The following MIDEAS variants were observed in gnomAD, a reference collection of about 807,000 sequenced individuals.
MIDEAS encodes the protein mitotic deacetylase-associated SANT domain protein.
MIDEAS carries 26 observed loss-of-function variants against 102.7 expected under a neutral mutation model. That is an observed-to-expected ratio of 0.25 (90% CI 0.19 to 0.35). MIDEAS has a LOEUF of 0.35. Ranked by LOEUF, MIDEAS falls within the 10% of genes least tolerant of loss-of-function variation. MIDEAS has a pLI of 1.00. For synonymous variants in MIDEAS, 585 were observed against 591.0 expected (o/e 0.99, Z 0.15); for missense variants, 1,231 against 1,435.6 (o/e 0.86, Z 2.30).
rs751110074 is a variant in MIDEAS at position 73,737,236 on chromosome 14, A to G, written c.1511T>C (p.Val504Ala). 8 of 1,613,760 alleles carry G rather than the reference A, an allele frequency of 5.0e-6. No homozygotes were observed. The highest frequency in any genetic ancestry group is 6.8e-6 in the Non-Finnish European group (8 of 1,179,882). Residue 504 changes from valine to alanine, a missense_variant, in exon 3 of 13, where the codon GTG (valine) becomes GCG (alanine). Val to Ala is a moderately conservative substitution (Grantham distance 64). This residue lies in a region of MIDEAS where 758 missense variants were observed against 856.0 expected (regional missense o/e 0.89). Coordinates refer to ENST00000423556, the MANE Select transcript of MIDEAS (RefSeq NM_001367710.1). The part of the protein sequence containing the change: ...SVLASTTKCG[V>A]EFSEPSLATK... ...GGCTAAGGAAGGCTCAGAAAACTCC[A>G]CCCCACACTTGGTAGTTGAGGCCAA... is the stretch of plus-strand genomic sequence containing the variant.
rs1179710072 is a variant in MIDEAS at position 73,738,802 on chromosome 14, C to T, written c.1207G>A (p.Glu403Lys). 2 of 1,576,426 alleles carry T rather than the reference C, an allele frequency of 1.3e-6. No individual in the cohort carries two copies. Among genetic ancestry groups the T allele is most frequent in the Non-Finnish European group, 1.7e-6 (2 of 1,160,072 alleles). ...GGCAGTAGCTGCGACTCCCTCAGCT[C>T]CAGCGGGAATCCCAGAGCTTCAGGA... is the stretch of plus-strand genomic sequence containing the variant. The part of the protein sequence containing the change: ...PHPEALGFPL[E>K]LRESQLLPDG... The change falls in exon 2 of 13, where the codon GAG becomes AAG. Residue 403 changes from glutamate to lysine, a missense_variant. Transcript: ENST00000423556.
chr14:73,784,598 G>A (rs549370383), intron 1 of MIDEAS, among the ~76,000 whole-genome samples: 3 of 152,262 alleles, frequency 2.0e-5, no homozygotes, highest in South Asian at 2.1e-4. Context: ...AGAAGGGAAC[G>A]ATCCCTTCTC....
chr14:73,729,257 T>C (rs970500168), intron 4 of MIDEAS: 3 of 174,810 alleles, frequency 1.7e-5, no homozygotes, highest in African/African-American at 7.1e-5. Flanking sequence ...GCCTAGGAAG[T>C]GGCTATTAGG....
chr14:73,735,912 T>G (rs10151820), intron 3 of MIDEAS, among the ~76,000 whole-genome samples: 15,674 of 152,176 alleles, frequency 0.1, 1,126 homozygotes, highest in African/African-American at 0.19. Flanking sequence ...ATCCTAACAC[T>G]TTGGGAGGCC....
intron 1 of MIDEAS, among the ~76,000 whole-genome samples, chr14:73,758,975 C>T (rs1347543879): frequency 3.3e-5 from 5 of 152,190 alleles, no homozygotes; most frequent in Non-Finnish European, 7.4e-5. Context: ...TATGCAGGGC[C>T]CGGCCGAATC....
rs1424581525 is a variant in MIDEAS at position 73,737,130 on chromosome 14, A to C, written c.1617T>G (p.Thr539=). The change falls in exon 3 of 13, where the codon ACT becomes ACG. Residue 539 remains threonine, a synonymous_variant. Coordinates refer to ENST00000423556, the MANE Select transcript of MIDEAS (RefSeq NM_001367710.1). ...VSVPVRTVDP[T]EAAQAGGLDE... ...CAAGACCTCCAGCCTGGGCTGCCTC[A>C]GTTGGGTCCACAGTTCGCACAGGCA... is the stretch of plus-strand genomic sequence containing the variant. 1.9e-6 allele frequency: 3 copies of C among 1,613,758 alleles called. No individual in the cohort carries two copies. In the East Asian group the frequency reaches 6.7e-5, roughly 36 times the overall value.
chr14:73,722,943 C>A (rs750756962), intron 9 of MIDEAS, 96 bp from the exon 10 acceptor site: 59 of 1,461,254 alleles, frequency 4.0e-5, no homozygotes, highest in Middle Eastern at 1.9e-4. Flanking sequence ...TTTCCCTTAA[C>A]TTCAAGCCAA....
At chr14:73,766,708 C>T (rs1357742350) in intron 1 of MIDEAS, among the ~76,000 whole-genome samples, 1 of 151,968 alleles carries the variant, frequency 6.6e-6, no homozygotes, top group Non-Finnish European at 1.5e-5. Context: ...TGTCGCCATG[C>T]CCAGCTAAAT....
Position 73,722,763 on chromosome 14 carries a change from T to A in MIDEAS, c.2659A>T (p.Thr887Ser). 6.2e-7 allele frequency: 1 copy of A among 1,614,192 alleles called. No homozygotes were observed. ...TCGCTCGTATCCACATCCCCAAAGG[T>A]TAGAGTCCCATTGCGGCCGATTTTC... ...QVKIGRNGTL[T>S]FGDVDTSDEK... is the part of the protein sequence containing the mutation. Residue 887 changes from threonine to serine, a missense_variant, in exon 10 of 13, where the codon ACC (threonine) becomes TCC (serine). Physicochemically the swap from Thr to Ser is moderately conservative, Grantham distance 58. Transcript: ENST00000423556.
At chr14:73,737,666 T>C (rs17093875) in intron 2 of MIDEAS, among the ~76,000 whole-genome samples, 2,378 of 152,082 alleles carry the variant, frequency 0.016, 73 homozygotes, top group African/African-American at 0.054. Context: ...AATTCTGATT[T>C]GATCTAGGAC....
intron 1 of MIDEAS, among the ~76,000 whole-genome samples, chr14:73,784,585 A>G (rs1240685038): frequency 2.0e-5 from 3 of 152,188 alleles, no homozygotes; most frequent in African/African-American, 7.2e-5. Context: ...AAGCTTTGGG[A>G]TCAGAAGGGA....
At chr14:73,765,528 C>T (rs577925865) in intron 1 of MIDEAS, among the ~76,000 whole-genome samples, 2 of 152,286 alleles carry the variant, frequency 1.3e-5, no homozygotes, top group East Asian at 3.9e-4. Flanking sequence ...ACACTGCCAT[C>T]AGAGTGATCA....
In MIDEAS at chr14:73,725,958, G is replaced by C; in HGVS notation, c.2485+75C>G. On this transcript the variant is annotated intron_variant, in intron 8 of 12. Coordinates refer to ENST00000423556, the MANE Select transcript of MIDEAS (RefSeq NM_001367710.1). This position sits in a 1 kb window ranked among gnomAD's most constrained non-coding sequence, Gnocchi z 4.1. ...CGCCCCCACCCAGGGCTGTGACTCA[G>C]CACTGAGCAGGGCCCCATGGATGCT... 1 of 1,302,184 alleles carries C rather than the reference G, an allele frequency of 7.7e-7. No individual in the cohort carries two copies. The highest frequency in any genetic ancestry group is 1.1e-6 in the Non-Finnish European group (1 of 920,024). The allele number at this position is 1,302,184 out of a possible 1,614,324, so 80.7% of individuals were successfully genotyped here. A position where few individuals can be genotyped will look rare whatever the true frequency, so the allele number is the denominator to read the frequency against.
rs2052939114 is a variant in MIDEAS, at chr14:73,718,916, T to C, written c.3227A>G (p.Glu1076Gly). 1 of 1,524,760 alleles carries C rather than the reference T, an allele frequency of 6.6e-7. No individual in the cohort carries two copies. The highest frequency in any genetic ancestry group is 8.8e-7 in the Non-Finnish European group (1 of 1,142,600). The allele number at this position is 1,524,760 out of a possible 1,614,324, so 94.5% of individuals were successfully genotyped here. Reference sequence around the variant, plus strand: ...GGCGGCGGCGGCGGCAGCAGCGGCCTCTTTCTCCTTCAGCCTCAGCGCTGC... The same window carrying C: ...GGCGGCGGCGGCGGCAGCAGCGGCCCCTTTCTCCTTCAGCCTCAGCGCTGC... ...KAAALRLKEK[E>G]AAAAAAAAHQ... Residue 1076 changes from glutamate (E) to glycine (G), a missense_variant, in exon 13 of 13, where the codon GAG (glutamate) becomes GGG (glycine). Physicochemically the swap from Glu to Gly is moderately conservative, Grantham distance 98. Coordinates refer to ENST00000423556, the MANE Select transcript of MIDEAS (RefSeq NM_001367710.1).
chr14:73,739,299 G>C lies in MIDEAS; in HGVS notation c.710C>G (p.Pro237Arg). Reference sequence around the variant, plus strand: ...TGGAGGGAAGGCAGCCACCGGGTTTGGGGGCGGTGGGCCCTGCCGGAAGAC... The same window carrying C: ...TGGAGGGAAGGCAGCCACCGGGTTTCGGGGCGGTGGGCCCTGCCGGAAGAC... ...RQVFRQGPPP[P>R]NPVAAFPPQK... Residue 237 changes from proline (P) to arginine (R), a missense_variant, in exon 2 of 13, where the codon CCA (proline) becomes CGA (arginine). Pro to Arg is a moderately radical substitution (Grantham distance 103). Transcript: ENST00000423556. 1 of 1,611,540 alleles carries C rather than the reference G, an allele frequency of 6.2e-7. No homozygotes were observed. Among genetic ancestry groups the C allele is most frequent in the South Asian group, 1.1e-5 (1 of 91,048 alleles).
intron 1 of MIDEAS, among the ~76,000 whole-genome samples, chr14:73,779,570 A>ATTTTT (rs774103102): frequency 1.5e-4 from 9 of 60,166 alleles, no homozygotes; most frequent in African/African-American, 3.4e-4. Flanking sequence ...TATTATTATT[A>ATTTTT]TTATTTTTTT....
intron 1 of MIDEAS, among the ~76,000 whole-genome samples, chr14:73,783,475 A>G (rs897754923): frequency 1.3e-5 from 2 of 152,150 alleles, no homozygotes; most frequent in African/African-American, 4.8e-5. Context: ...CAAAGGTCAG[A>G]CCCCTGTGGA....
chr14:73,777,189 T>C lies in MIDEAS; in HGVS notation c.-248+9913A>G, dbSNP rs182492704. ...CTCTGGAGCGAGTGGCACAAAAAAG[T>C]GGGGAGAGTTCAGTACCCATTCTGG... On this transcript the variant is annotated intron_variant, in intron 1 of 11. Coordinates refer to the MIDEAS transcript ENST00000394071. Among the ~76,000 whole-genome samples the C allele has an allele frequency of 5.5e-4, 84 of 151,706 alleles. 3 individuals are homozygous for C. The highest frequency in any genetic ancestry group is 9.9e-4 in the Non-Finnish European group (67 of 67,852).
At chr14:73,733,294 A>G (rs2053161998) in intron 3 of MIDEAS, among the ~76,000 whole-genome samples, 1 of 151,956 alleles carries the variant, frequency 6.6e-6, no homozygotes, top group Non-Finnish European at 1.5e-5. Context: ...ACCTCTGATT[A>G]AAGTAATTCA....
Sources: allele counts gnomAD v4.1 joint callset (sites outside exome capture counted in the v4.1 genomes callset), GRCh38; gene constraint gnomAD v4.1.1; regional missense constraint gnomAD v4.1.1; non-coding constraint Gnocchi (gnomAD v3.1); transcripts MANE v1.5; gene names NCBI Gene and HGNC (gene_info 2026-07-23, HGNC 2026-07-21).